Variants in ASIC2 observed in about 807,000 individuals in gnomAD.
ASIC2 encodes the protein acid-sensing ion channel 2.
Under a neutral mutation model 57.3 loss-of-function variants are expected in ASIC2, and 25 were observed. That is an observed-to-expected ratio of 0.44 (90% CI 0.32 to 0.61). The LOEUF (loss-of-function observed/expected upper bound fraction) is 0.61, where lower values mean the gene tolerates loss of function less well. Ranked by LOEUF, ASIC2 falls within the 20% of genes least tolerant of loss-of-function variation. The pLI, the probability that ASIC2 is intolerant of heterozygous loss-of-function variation, is 0.06. For synonymous variants in ASIC2, 319 were observed against 307.5 expected, an observed-to-expected ratio of 1.04 and a Z score of -0.39; for missense variants, 641 against 738.1, an observed-to-expected ratio of 0.87 and a Z score of 1.52.
intron 2 of ASIC2, 89 bp from the exon 3 acceptor site, chr17:33,089,079 A>G (rs2092147635): frequency 1.3e-6 from 2 of 1,544,872 alleles, no homozygotes; most frequent in Non-Finnish European, 1.8e-6. Context: ...GGGATGCTGA[A>G]AAGACCCTGT....
chr17:33,822,269 C>T (rs1312134453), intron 1 of ASIC2, among the ~76,000 whole-genome samples: 4 of 152,086 alleles, frequency 2.6e-5, no homozygotes, highest in Non-Finnish European at 5.9e-5. Flanking sequence ...ACAGTTCTCC[C>T]GGGAGTCCTG....
chr17:33,610,169 T>C (rs1046887882), intron 1 of ASIC2, among the ~76,000 whole-genome samples: 1 of 152,180 alleles, frequency 6.6e-6, no homozygotes, highest in Non-Finnish European at 1.5e-5. Flanking sequence ...TTTGCCTCTG[T>C]TTTTTTGAGA....
chr17:33,025,750 C>T (rs1377551061), intron 5 of ASIC2, among the ~76,000 whole-genome samples, 176 bp downstream of exon 5: 1 of 152,090 alleles, frequency 6.6e-6, no homozygotes, highest in Non-Finnish European at 1.5e-5. Context: ...TTCTCTTCTT[C>T]CTCCTCTCCA....
intron 1 of ASIC2, among the ~76,000 whole-genome samples, chr17:33,366,807 C>G (rs995977593): frequency 1.3e-5 from 2 of 152,140 alleles, no homozygotes; most frequent in Non-Finnish European, 2.9e-5. Flanking sequence ...TTATAACCAT[C>G]TAAGTTATAG....
intron 3 of ASIC2, among the ~76,000 whole-genome samples, chr17:33,038,662 A>G (rs965822657): frequency 8.5e-5 from 13 of 152,196 alleles, no homozygotes; most frequent in African/African-American, 3.1e-4. Flanking sequence ...AGGAATGCAG[A>G]ACTTTTGTGA....
At chr17:33,256,944 C>T (rs1386011099) in intron 1 of ASIC2, among the ~76,000 whole-genome samples, 10 of 152,178 alleles carry the variant, frequency 6.6e-5, no homozygotes, top group Admixed American at 6.5e-4. Flanking sequence ...GATAGTCAGA[C>T]TTAAGCCTCC....
At chr17:33,516,321 A>G (rs1811570808) in intron 1 of ASIC2, among the ~76,000 whole-genome samples, 1 of 151,876 alleles carries the variant, frequency 6.6e-6, no homozygotes, top group Admixed American at 6.6e-5. Flanking sequence ...GTTATTAATC[A>G]CAGCGTATGA....
At chr17:33,963,228 G>A (rs1230895411) in intron 1 of ASIC2, among the ~76,000 whole-genome samples, 1 of 152,048 alleles carries the variant, frequency 6.6e-6, no homozygotes, top group African/African-American at 2.4e-5. Context: ...CCATCTCGCA[G>A]CCTCCCCATC....
At chr17:33,093,445 A>C (rs2141969715) in intron 2 of ASIC2, among the ~76,000 whole-genome samples, 1 of 152,206 alleles carries the variant, frequency 6.6e-6, no homozygotes, top group East Asian at 1.9e-4. Flanking sequence ...AGAGAGAGAG[A>C]GAGAGTGCAG....
intron 1 of ASIC2, among the ~76,000 whole-genome samples, chr17:33,419,388 C>T (rs1417937930): frequency 6.6e-6 from 1 of 152,190 alleles, no homozygotes; most frequent in Admixed American, 6.5e-5. Context: ...TTTGACCAAC[C>T]CCATTCCCAG....
chr17:33,294,888 G>A (rs781644623), upstream of ASIC2, among the ~76,000 whole-genome samples: 2 of 152,122 alleles, frequency 1.3e-5, no homozygotes, highest in Non-Finnish European at 2.9e-5. Flanking sequence ...TTCTGAAGCT[G>A]CCTGCTGTAC....
chr17:33,306,243 G>C (rs1233823461), intron 1 of ASIC2, among the ~76,000 whole-genome samples: 25 of 152,116 alleles, frequency 1.6e-4, no homozygotes, highest in Admixed American at 1.6e-3. Flanking sequence ...GAATTCTCAG[G>C]CGGTAAGTGA....
intron 1 of ASIC2, among the ~76,000 whole-genome samples, chr17:33,272,634 T>A (rs1363717744): frequency 2.6e-5 from 4 of 152,174 alleles, no homozygotes; most frequent in African/African-American, 7.2e-5. Context: ...ATCGTGAGCA[T>A]CATCACCATC....
At chr17:33,849,507 G>A (rs576497178) in intron 1 of ASIC2, among the ~76,000 whole-genome samples, 1 of 152,302 alleles carries the variant, frequency 6.6e-6, no homozygotes, top group African/African-American at 2.4e-5. Flanking sequence ...ACCCAAGTCT[G>A]TTCTCTTAAA....
chr17:34,122,750 C>T (rs948513068), intron 1 of ASIC2, among the ~76,000 whole-genome samples: 2 of 152,214 alleles, frequency 1.3e-5, no homozygotes, highest in Non-Finnish European at 2.9e-5. Flanking sequence ...CACCCCACAC[C>T]TTGTTGGAGG....
chr17:33,672,107 G>A (rs1259884108), intron 1 of ASIC2, among the ~76,000 whole-genome samples: 3 of 152,066 alleles, frequency 2.0e-5, no homozygotes, highest in Admixed American at 6.6e-5. Context: ...TAAACCTCCC[G>A]GTTCTTAACC....
chr17:33,543,614 C>T (rs1410671205), intron 1 of ASIC2, among the ~76,000 whole-genome samples: 6 of 152,206 alleles, frequency 3.9e-5, no homozygotes, highest in Non-Finnish European at 5.9e-5. Flanking sequence ...GTCTGTGGTC[C>T]CTGCTAGCAT....
chr17:34,132,237 A>C (rs1911998631), intron 1 of ASIC2, among the ~76,000 whole-genome samples: 2 of 152,150 alleles, frequency 1.3e-5, no homozygotes, highest in South Asian at 4.2e-4. Flanking sequence ...GGTGTCGCTG[A>C]CTTCAAGAAC....
chr17:33,161,022 G>T (rs549891555), intron 1 of ASIC2, among the ~76,000 whole-genome samples: 1 of 152,354 alleles, frequency 6.6e-6, no homozygotes, highest in Admixed American at 6.5e-5. Context: ...GGCTGTTGCA[G>T]CATTGAAGGG....
Sources: allele counts gnomAD v4.1 joint callset (sites outside exome capture counted in the v4.1 genomes callset), GRCh38; gene constraint gnomAD v4.1.1; transcripts MANE v1.5; gene names NCBI Gene and HGNC (gene_info 2026-07-23, HGNC 2026-07-21).